The following ABCE1 variants were observed in gnomAD, a reference collection of about 807,000 sequenced individuals.
The protein encoded by ABCE1 is ATP-binding cassette sub-family E member 1.
Under a neutral mutation model 83.4 loss-of-function variants are expected in ABCE1, and 22 were observed. That is an observed-to-expected ratio of 0.26 (90% CI 0.19 to 0.38). The LOEUF (loss-of-function observed/expected upper bound fraction) is 0.38. Among genes scored for constraint, ABCE1 ranks in the 10% least tolerant of loss-of-function variants. The pLI is 1.00. For synonymous variants in ABCE1, 204 were observed against 233.7 expected (o/e 0.87, Z 1.16); for missense variants, 330 against 721.9 (o/e 0.46, Z 6.22).
At chr4:145,123,693 C>A in intron 16 of ABCE1, 93 bp downstream of exon 16, 1 of 1,241,636 alleles carries the variant, frequency 8.1e-7, no homozygotes, top group Non-Finnish European at 1.1e-6. Context: ...AAAATGAAAG[C>A]TAGAAATTCT....
At chr4:145,120,222 G>A in intron 11 of ABCE1, 69 bp downstream of exon 11, 1 of 1,396,588 alleles carries the variant, frequency 7.2e-7, no homozygotes, top group Non-Finnish European at 9.8e-7. Context: ...TAACTGTTTT[G>A]TGGAAAAATT....
At chr4:145,126,941 G>T (rs1749903516) in intron 17 of ABCE1, among the ~76,000 whole-genome samples, 1 of 152,080 alleles carries the variant, frequency 6.6e-6, no homozygotes, top group Non-Finnish European at 1.5e-5. Context: ...TAGAAAAGAA[G>T]AATTTCTTTG....
rs556185855 is a variant in ABCE1, at chr4:145,104,510, G to A, written c.98G>A (p.Arg33Gln). ...QECKKSCPVV[R>Q]MGKLCIEVTP... ...TGCAAAAAGAGTTGTCCTGTAGTTCGAATGGGTAAGCTGTTCTGTGGATCA... is the reference window on the plus strand; with the variant it reads ...TGCAAAAAGAGTTGTCCTGTAGTTCAAATGGGTAAGCTGTTCTGTGGATCA... Residue 33 changes from arginine (R) to glutamine (Q), a missense_variant, in exon 2 of 18, where the codon CGA becomes CAA. Transcript: ENST00000296577. 9 of 1,584,484 alleles carry A rather than the reference G, an allele frequency of 5.7e-6. No homozygotes were observed. Among genetic ancestry groups the A allele is most frequent in the South Asian group, 2.3e-5 (2 of 87,504 alleles).
chr4:145,125,369 G>A (rs1749852130), intron 17 of ABCE1, among the ~76,000 whole-genome samples: 1 of 152,150 alleles, frequency 6.6e-6, no homozygotes, highest in Non-Finnish European at 1.5e-5. Flanking sequence ...TTAGGAGTCT[G>A]AGGCAGGAGA....
chr4:145,124,256 G>C (rs1306420908), intron 16 of ABCE1, among the ~76,000 whole-genome samples: 1 of 152,018 alleles, frequency 6.6e-6, no homozygotes, highest in Non-Finnish European at 1.5e-5. Flanking sequence ...TGTGGTTTCA[G>C]CATGTTTTCT....
chr4:145,121,110 C>A, intron 11 of ABCE1, 64 bp from the exon 12 acceptor site: 1 of 1,515,112 alleles, frequency 6.6e-7, no homozygotes, highest in Non-Finnish European at 9.1e-7. Context: ...CCAAATAGGA[C>A]ATAGTGATTT....
chr4:145,109,438 TTC>T (rs1222171029), intron 5 of ABCE1, among the ~76,000 whole-genome samples, 189 bp downstream of exon 5: 1 of 152,196 alleles, frequency 6.6e-6, no homozygotes, highest in African/African-American at 2.4e-5. Flanking sequence ...TAACTGAAAA[TTC>T]TGAGTTGTTA....
intron 17 of ABCE1, among the ~76,000 whole-genome samples, chr4:145,126,047 C>A (rs917541246): frequency 6.6e-6 from 1 of 151,816 alleles, no homozygotes; most frequent in Non-Finnish European, 1.5e-5. Flanking sequence ...TCCCTGCCCC[C>A]GCCCCCGCAA....
At chr4:145,125,553 T>C (rs1428006593) in intron 17 of ABCE1, among the ~76,000 whole-genome samples, 1 of 152,208 alleles carries the variant, frequency 6.6e-6, no homozygotes, top group Non-Finnish European at 1.5e-5. Flanking sequence ...TGGCATACTT[T>C]AGTGTGCGGT....
In ABCE1 at chr4:145,121,632, G is replaced by A. The variant is rs1010286380; in HGVS notation, c.1263+241G>A. 8.3e-5 allele frequency: 31 copies of A among 373,838 alleles called. No individual in the cohort carries two copies. The Middle Eastern group carries it at 2.7e-3, about 32-fold the overall frequency. The allele number at this position is 373,838 out of a possible 1,614,324, so 23.2% of individuals were successfully genotyped here. A position where few individuals can be genotyped will look rare whatever the true frequency, so the allele number is the denominator to read the frequency against. Reference sequence around the variant, plus strand: ...CTCACGCCTGTAATGCCAACACTTCGGGAGGCCTAGGCCAGCAGATCACGA... The same window carrying A: ...CTCACGCCTGTAATGCCAACACTTCAGGAGGCCTAGGCCAGCAGATCACGA... On this transcript the variant is annotated intron_variant, in intron 13 of 17. Coordinates refer to ENST00000296577, the MANE Select transcript of ABCE1 (RefSeq NM_002940.3).
At chr4:145,108,846 T>C (rs1749383686) in intron 4 of ABCE1, among the ~76,000 whole-genome samples, 1 of 152,202 alleles carries the variant, frequency 6.6e-6, no homozygotes, top group South Asian at 2.1e-4. Flanking sequence ...AGAAATTTAC[T>C]TTAGGATGGA....
At chr4:145,109,599 C>T (rs1397244728) in intron 5 of ABCE1, among the ~76,000 whole-genome samples, 1 of 152,062 alleles carries the variant, frequency 6.6e-6, no homozygotes, top group Non-Finnish European at 1.5e-5. Flanking sequence ...GGTAAATTTC[C>T]AACTTTAGTA....
At chr4:145,098,492 T>G (rs894551811) in intron 1 of ABCE1, 73 bp downstream of exon 1, 5 of 152,382 alleles carry the variant, frequency 3.3e-5, no homozygotes, top group Admixed American at 1.3e-4. Context: ...AGGGACGTTC[T>G]CCGAGAGCCT....
chr4:145,124,332 C>G (rs1244059964), intron 16 of ABCE1, among the ~76,000 whole-genome samples: 1 of 151,318 alleles, frequency 6.6e-6, no homozygotes, highest in African/African-American at 2.4e-5. Flanking sequence ...AAGTATTTTG[C>G]TGGGCTTCTT....
intron 3 of ABCE1, 118 bp from the exon 4 acceptor site, chr4:145,107,897 C>T: frequency 1.3e-6 from 1 of 773,156 alleles, no homozygotes; most frequent in Non-Finnish European, 2.0e-6. Context: ...AACAACATTT[C>T]ACATCTTTAT....
Position 145,107,290 on chromosome 4 carries a change from G to A in ABCE1, c.190-725G>A, listed in dbSNP as rs147269637. On this transcript the variant is annotated intron_variant, in intron 3 of 17. Transcript: ENST00000296577. ...AAATATGCTAGCTATTGGTGGGATG[G>A]AAATAGCCCAAAAAAGGATAAGATC... 4.0e-3 allele frequency among the ~76,000 whole-genome samples: 614 copies of A among 152,128 alleles called. 8 individuals carry two copies. The highest frequency in any genetic ancestry group is 0.014 in the African/African-American group (568 of 41,530).
intron 13 of ABCE1, 93 bp downstream of exon 13, chr4:145,121,484 T>G (rs1377825066): frequency 1.1e-6 from 1 of 905,816 alleles, no homozygotes. Flanking sequence ...TTTCTCCAAA[T>G]TAGATTCTAT....
chr4:145,119,446 A>G (rs530290391), intron 10 of ABCE1, among the ~76,000 whole-genome samples: 31 of 152,114 alleles, frequency 2.0e-4, no homozygotes, highest in African/African-American at 7.2e-4. Flanking sequence ...CTCATATTCA[A>G]TTTCATATGA....
intron 1 of ABCE1, among the ~76,000 whole-genome samples, chr4:145,102,876 C>T (rs1749190646): frequency 6.6e-6 from 1 of 151,960 alleles, no homozygotes; most frequent in African/African-American, 2.4e-5. Flanking sequence ...ATGATAAGGT[C>T]TAGGATGTAA....
Sources: allele counts gnomAD v4.1 joint callset (sites outside exome capture counted in the v4.1 genomes callset), GRCh38; gene constraint gnomAD v4.1.1; transcripts MANE v1.5; gene names NCBI Gene and HGNC (gene_info 2026-07-23, HGNC 2026-07-21).